Variants in NPHP3 observed in about 807,000 individuals in gnomAD.
The protein encoded by NPHP3 is nephrocystin 3, also known as nephrocystin-3.
A neutral mutation model predicts 171.9 loss-of-function variants in NPHP3; 123 were observed. That is an observed-to-expected ratio of 0.72 (90% CI 0.62 to 0.83). NPHP3 has a LOEUF of 0.83. Ranked by LOEUF, NPHP3 falls within the 40% of genes least tolerant of loss-of-function variation. The pLI is 0.00. For missense variants in NPHP3, 1,506 were observed against 1,591.9 expected, an observed-to-expected ratio of 0.95 and a Z score of 0.92; for synonymous variants, 558 against 579.2, an observed-to-expected ratio of 0.96 and a Z score of 0.52.
intron 7 of NPHP3, among the ~76,000 whole-genome samples, chr3:132,707,827 T>C (rs112971148): frequency 1.2e-3 from 185 of 152,258 alleles, no homozygotes; most frequent in African/African-American, 4.2e-3. Flanking sequence ...AAGATCACTG[T>C]CAGATGATCA....
chr3:132,719,457 T>C lies in NPHP3; in HGVS notation c.519+248A>G, dbSNP rs3860503. Among the ~76,000 whole-genome samples the C allele has an allele frequency of 0.22, 33,739 of 152,116 alleles. 4,142 individuals carry two copies. Among genetic ancestry groups the C allele is most frequent in the East Asian group, 0.56 (2,874 of 5,172 alleles). ...ACATTTCCAAATGCTTTTCCCCATATGGAAACGCTTTCCTTTTTTTCGAAA... is the reference window on the plus strand; with the variant it reads ...ACATTTCCAAATGCTTTTCCCCATACGGAAACGCTTTCCTTTTTTTCGAAA... On this transcript the variant is annotated intron_variant, in intron 2 of 26. Transcript: ENST00000337331.
rs758272378 is a variant in NPHP3, at chr3:132,700,334, C to T, written c.1743G>A (p.Lys581=). Residue 581 remains lysine (K), a splice_region_variant and synonymous_variant, in exon 11 of 27, where the codon AAG becomes AAA. Transcript: ENST00000337331. ...AATTCCAAAAGATGGGATACTATACCTTTAGAGTTAGTCGTTTAATAATCA... is the reference window on the plus strand; with the variant it reads ...AATTCCAAAAGATGGGATACTATACTTTTAGAGTTAGTCGTTTAATAATCA... The part of the protein sequence containing the change: ...SSLIIKRLTL[K]LMQHSWSVSA... 29 of 1,581,944 alleles carry T rather than the reference C, an allele frequency of 1.8e-5. No homozygotes were observed. The East Asian group carries it at 6.3e-4, about 34-fold the overall frequency.
In NPHP3 at chr3:132,688,693, G is replaced by A. The variant is rs781175860; in HGVS notation, c.3082C>T (p.Arg1028Cys). 11 of 1,613,992 alleles carry A rather than the reference G, an allele frequency of 6.8e-6. 1 individual carries two copies. Among genetic ancestry groups the A allele is most frequent in the Admixed American group, 1.7e-5 (1 of 60,024 alleles). Residue 1028 changes from arginine to cysteine, a missense_variant, in exon 21 of 27, where the codon CGT becomes TGT. By Grantham distance (180) the Arg-to-Cys change is radical. Around this residue, in one of 3 missense-constraint regions of NPHP3, gnomAD observed 569 missense variants for 648.1 expected, o/e 0.88. Transcript: ENST00000337331. Reference sequence around the variant, plus strand: ...AAAGTTGCAAGTGCTTCAAGTTCACGAGCAGTATATGGATGGTCCGCACCA... The same window carrying A: ...AAAGTTGCAAGTGCTTCAAGTTCACAAGCAGTATATGGATGGTCCGCACCA... The part of the protein sequence containing the change: ...AYGADHPYTA[R>C]ELEALATLYQ...
intron 17 of NPHP3, among the ~76,000 whole-genome samples, chr3:132,691,911 G>A (rs1939309537): frequency 6.6e-6 from 1 of 152,186 alleles, no homozygotes; most frequent in Admixed American, 6.5e-5. Context: ...AAAGGAGGCT[G>A]ACTGGCTTAC....
Position 132,688,821 on chromosome 3 carries a change from G to T in NPHP3, c.2954C>A (p.Ala985Asp), listed in dbSNP as rs1576663452. ...ACTTGCTAGTTGGTGGAGGGACTGG[G>T]CTACTCTTGGGTGATCGGGATCTAA... ...TALDPDHPRV[A>D]QSLHQLASVY... The change falls in exon 21 of 27, where the codon GCC becomes GAC. Residue 985 changes from alanine (A) to aspartate (D), a missense_variant. Around this residue, in one of 3 missense-constraint regions of NPHP3, gnomAD observed 569 missense variants for 648.1 expected, o/e 0.88. Transcript: ENST00000337331. 1 of 1,613,968 alleles carries T rather than the reference G, an allele frequency of 6.2e-7. No individual in the cohort carries two copies. Among genetic ancestry groups the T allele is most frequent in the Non-Finnish European group, 8.5e-7 (1 of 1,180,000 alleles).
chr3:132,700,074 A>C lies in NPHP3; in HGVS notation c.1744-13T>G. 1 of 1,613,870 alleles carries C rather than the reference A, an allele frequency of 6.2e-7. No homozygotes were observed. The highest frequency in any genetic ancestry group is 8.5e-7 in the Non-Finnish European group (1 of 1,179,736). On this transcript the variant is annotated splice_polypyrimidine_tract_variant and intron_variant, in intron 11 of 26. Coordinates refer to ENST00000337331, the MANE Select transcript of NPHP3 (RefSeq NM_153240.5). ...AGTGCTGCATCAACTACAAGATAAGAACACACACAAACTGAAGTAGTTACA... is the reference window on the plus strand; with the variant it reads ...AGTGCTGCATCAACTACAAGATAAGCACACACACAAACTGAAGTAGTTACA...
chr3:132,695,111 T>C (rs1939419481), intron 15 of NPHP3, 146 bp from the exon 16 acceptor site: 3 of 716,412 alleles, frequency 4.2e-6, no homozygotes, highest in South Asian at 1.6e-5. Flanking sequence ...AAAGTGGTAG[T>C]TTTATGGGGC....
chr3:132,719,892 TTA>T (rs746910950), intron 1 of NPHP3, 62 bp from the exon 2 acceptor site: 7 of 872,462 alleles, frequency 8.0e-6, no homozygotes, highest in Non-Finnish European at 1.1e-5. Context: ...TTTTACATTC[TTA>T]TATATATACA....
rs1169467598 is a variant in NPHP3, at chr3:132,722,390, G to T, written c.-35C>A. The T allele has an allele frequency of 1.3e-6, 2 of 1,557,224 alleles. No individual in the cohort carries two copies. Among genetic ancestry groups the T allele is most frequent in the Admixed American group, 1.8e-5 (1 of 55,746 alleles). ...TGCCGCTACTACCTAGTGAGTACCA[G>T]CAGGACTGGGCAGCGGAACGGAACG... On this transcript the variant is annotated 5_prime_UTR_variant, in exon 1 of 27. The change creates a new upstream start codon in the 5' untranslated region. Transcript: ENST00000337331.
At chr3:132,700,157 T>C in intron 11 of NPHP3, 96 bp from the exon 12 acceptor site, 1 of 1,490,326 alleles carries the variant, frequency 6.7e-7, no homozygotes, top group South Asian at 1.2e-5. Context: ...TACTTTTTTA[T>C]AAACCAAAAT....
At position 132,681,884 on chromosome 3, in the gene NPHP3, T is replaced by A. The variant is rs1489145024; in HGVS notation, c.*26A>T. 6.3e-7 allele frequency: 1 copy of A among 1,593,658 alleles called. No homozygotes were observed. Among genetic ancestry groups the A allele is most frequent in the Non-Finnish European group, 8.6e-7 (1 of 1,161,526 alleles). ...TTTAATTATTTTGTCTTAAGGTACATTTGCAAAGAATTCTAACTGCTGCTA... is the reference window on the plus strand; with the variant it reads ...TTTAATTATTTTGTCTTAAGGTACAATTGCAAAGAATTCTAACTGCTGCTA... On this transcript the variant is annotated 3_prime_UTR_variant, in exon 27 of 27. Transcript: ENST00000337331.
In NPHP3 at chr3:132,690,681, T is replaced by C; in HGVS notation, c.2571-31A>G. On this transcript the variant is annotated intron_variant, in intron 18 of 26. Coordinates refer to ENST00000337331, the MANE Select transcript of NPHP3 (RefSeq NM_153240.5). The stretch of plus-strand genomic sequence containing the variant: ...AAAAGAGAGGAGACAATATTCAATA[T>C]CTTCCTACAATGAGACTGCTTCAAA... 5 of 1,612,260 alleles carry C rather than the reference T, an allele frequency of 3.1e-6. No individual in the cohort carries two copies. The South Asian group carries it at 5.5e-5, about 18-fold the overall frequency.
At position 132,701,421 on chromosome 3, in the gene NPHP3, G is replaced by T. The variant is rs1199591337; in HGVS notation, c.1628+9C>A. On this transcript the variant is annotated intron_variant, in intron 10 of 26. Transcript: ENST00000337331. ...ATGACAACAATAATTTAATTGCACT[G>T]CATCATACCACTTTGATAAAAGAAG... 8 of 1,540,804 alleles carry T rather than the reference G, an allele frequency of 5.2e-6. No homozygotes were observed. Among genetic ancestry groups the T allele is most frequent in the Non-Finnish European group, 7.2e-6 (8 of 1,113,396 alleles).
At chr3:132,715,319 T>C (rs1339190747) in intron 4 of NPHP3, 101 bp from the exon 5 acceptor site, 5 of 918,528 alleles carry the variant, frequency 5.4e-6, no homozygotes, top group Non-Finnish European at 9.0e-6. Flanking sequence ...GAATGGAATC[T>C]GATCTTACAT....
chr3:132,705,563 A>C (rs555124389), intron 8 of NPHP3, 177 bp downstream of exon 8: 1 of 514,064 alleles, frequency 1.9e-6, no homozygotes, highest in Non-Finnish European at 3.6e-6. Flanking sequence ...ATATTAATAC[A>C]TGGTCCTAGT....
rs915563092 is a variant in NPHP3, at chr3:132,681,613, G to C, written c.*297C>G. The C allele has an allele frequency of 5.6e-6, 2 of 359,578 alleles. No individual in the cohort carries two copies. Among genetic ancestry groups the C allele is most frequent in the Admixed American group, 4.1e-5 (1 of 24,530 alleles). The allele number at this position is 359,578 out of a possible 1,614,324, so 22.3% of individuals were successfully genotyped here. A position where few individuals can be genotyped will look rare whatever the true frequency, so the allele number is the denominator to read the frequency against. On this transcript the variant is annotated 3_prime_UTR_variant, in exon 27 of 27. Coordinates refer to ENST00000337331, the MANE Select transcript of NPHP3 (RefSeq NM_153240.5). Reference sequence around the variant, plus strand: ...ACTCCTTGTCTTAACTACTCTGCCAGCTCTTGTTGAACAAAGACCAATCCG... The same window carrying C: ...ACTCCTTGTCTTAACTACTCTGCCACCTCTTGTTGAACAAAGACCAATCCG...
In NPHP3 at chr3:132,701,799, G is replaced by A. The variant is rs866293003; in HGVS notation, c.1525-266C>T. On this transcript the variant is annotated intron_variant, in intron 9 of 26. Transcript: ENST00000337331. ...GCACTTTGGGAGGCTGAGGCGGGTGGATCATGAGGTCAGGAGATCGAGAAC... is the reference window on the plus strand; with the variant it reads ...GCACTTTGGGAGGCTGAGGCGGGTGAATCATGAGGTCAGGAGATCGAGAAC... Among the ~76,000 whole-genome samples, 14 of 152,300 alleles carry A rather than the reference G, an allele frequency of 9.2e-5. No individual in the cohort carries two copies. The South Asian group carries it at 1.0e-3, about 11-fold the overall frequency.
chr3:132,683,629 G>GAA, intron 24 of NPHP3, 105 bp from the exon 25 acceptor site: 1 of 866,234 alleles, frequency 1.2e-6, no homozygotes, highest in Non-Finnish European at 1.8e-6. Flanking sequence ...AATTTTGAGG[G>GAA]AAAAAAATCT....
At position 132,705,812 on chromosome 3, in the gene NPHP3, G is replaced by A. The variant is rs1939732623; in HGVS notation, c.1278C>T (p.Ile426=). The A allele has an allele frequency of 6.7e-7, 1 of 1,485,154 alleles. No individual in the cohort carries two copies. Among genetic ancestry groups the A allele is most frequent in the African/African-American group, 1.4e-5 (1 of 72,184 alleles). 92.0% of individuals were successfully genotyped at this position (1,485,154 alleles called of 1,614,324 possible). Residue 426 remains isoleucine (I), a splice_region_variant and synonymous_variant, in exon 8 of 27, where the codon ATC becomes ATT. Transcript: ENST00000337331. The stretch of plus-strand genomic sequence containing the variant: ...CTGCAGGATCTCCTGAGTGATCAAT[G>A]ATCTAGATAAAAATCATTTAAGAAC... ...SNLNKTSKAK[I]IDHSGDPAEG...
Sources: allele counts gnomAD v4.1 joint callset (sites outside exome capture counted in the v4.1 genomes callset), GRCh38; gene constraint gnomAD v4.1.1; regional missense constraint gnomAD v4.1.1; transcripts MANE v1.5; gene names NCBI Gene and HGNC (gene_info 2026-07-23, HGNC 2026-07-21).